Variants in STAG2 observed in about 807,000 individuals in gnomAD.
The protein encoded by STAG2 is cohesin subunit SA-2.
STAG2 carries 14 observed loss-of-function variants against 108.1 expected under a neutral mutation model. The ratio of observed to expected loss-of-function variants is 0.13; its 90% confidence interval spans 0.09 to 0.20. The LOEUF is 0.20. STAG2 is among the 10% of genes least tolerant of loss of function. The pLI, the probability that STAG2 is intolerant of heterozygous loss-of-function variation, is 1.00. For missense variants in STAG2, 440 were observed against 940.9 expected (o/e 0.47, Z 6.96); for synonymous variants, 307 against 302.7 (o/e 1.01, Z -0.15).
intron 4 of STAG2, among the ~76,000 whole-genome samples, chrX:124,028,812 ATATATATATAT>A: frequency 1.1e-5 from 1 of 89,073 alleles, no homozygotes; most frequent in East Asian, 3.3e-4. Context: ...ATATATATAT[ATATATATATAT>A]TTTTTTTTTT....
At chrX:123,972,619 A>G (rs759228649) in intron 1 of STAG2, among the ~76,000 whole-genome samples, 28 of 110,164 alleles carry the variant, frequency 2.5e-4, no homozygotes, top group South Asian at 1.2e-3. Context: ...ATGAGACAAG[A>G]TATAGCTTGA....
chrX:124,007,780 TA>T (rs760679300), intron 1 of STAG2, among the ~76,000 whole-genome samples: 29 of 112,423 alleles, frequency 2.6e-4, no homozygotes, highest in African/African-American at 9.0e-4. Flanking sequence ...TAAACTTAAA[TA>T]TTAAGTAGCA....
chrX:124,072,917 T>TG (rs1413804527), intron 25 of STAG2, among the ~76,000 whole-genome samples: 1 of 98,489 alleles, frequency 1.0e-5, no homozygotes, highest in Non-Finnish European at 2.1e-5. Context: ...TTTTTTTTTT[T>TG]TTTTTTTAGT....
At chrX:124,019,068 T>A (rs2056833448) in intron 1 of STAG2, among the ~76,000 whole-genome samples, 1 of 101,651 alleles carries the variant, frequency 9.8e-6, no homozygotes, top group South Asian at 4.7e-4. Flanking sequence ...TTTTTTTTTT[T>A]TTTTTTATTT....
At position 124,072,206 on chromosome X, in the gene STAG2, T is replaced by C. The variant is rs1000158156; in HGVS notation, c.2533+883T>C. On this transcript the variant is annotated intron_variant, in intron 25 of 34. Coordinates refer to ENST00000371145, the MANE Select transcript of STAG2 (RefSeq NM_001042750.2). ...TTTTTGTAGACATGGGGTCTTGATATGTTGCCCAGGCTGGTCTTGAATTCC... is the reference window on the plus strand; with the variant it reads ...TTTTTGTAGACATGGGGTCTTGATACGTTGCCCAGGCTGGTCTTGAATTCC... 5.4e-5 allele frequency among the ~76,000 whole-genome samples: 6 copies of C among 111,158 alleles called. No homozygotes were observed. In the Admixed American group the frequency reaches 5.8e-4, roughly 11 times the overall value.
rs1569517186 is a variant in STAG2, at chrX:124,068,590, A to T, written c.2292A>T (p.Gln764His). ...TKEDLLRLKK[Q>H]MRVFCQICQH... ...AGGACTTGCTGCGTTTAAAGAAACA[A>T]ATGAGAGTATTTTGTCAGATATGTC... Residue 764 changes from glutamine (Q) to histidine (H), a missense_variant, in exon 24 of 35, where the codon CAA becomes CAT. Gln to His is a conservative substitution (Grantham distance 24, BLOSUM62 0). This residue lies in a region of STAG2 where 337 missense variants were observed against 649.3 expected (regional missense o/e 0.52). Coordinates refer to ENST00000371145, the MANE Select transcript of STAG2 (RefSeq NM_001042750.2). 1.7e-6 allele frequency: 2 copies of T among 1,193,287 alleles called. No homozygotes were observed.
In STAG2 at chrX:124,102,573, C is replaced by A; in HGVS notation, c.*1976C>A. The A allele has an allele frequency of 6.7e-6, 1 of 148,247 alleles. No individual in the cohort carries two copies. The allele number at this position is 148,247 out of a possible 1,213,427, so 12.2% of individuals were successfully genotyped here. On this transcript the variant is annotated 3_prime_UTR_variant, in exon 35 of 35. Transcript: ENST00000371145. ...GTTTGCAAATTTATATCTATTATCA[C>A]ATCTTTTAATGTGTTTGGGGAATAA... is the stretch of plus-strand genomic sequence containing the variant.
At chrX:124,052,418 T>C (rs1284343638) in intron 13 of STAG2, among the ~76,000 whole-genome samples, 1 of 112,398 alleles carries the variant, frequency 8.9e-6, no homozygotes, top group Non-Finnish European at 1.9e-5. Flanking sequence ...TTCGTATAAG[T>C]GGAATCATAC....
At chrX:124,047,698 C>T (rs754811592) in intron 9 of STAG2, among the ~76,000 whole-genome samples, 193 bp downstream of exon 9, 9 of 111,772 alleles carry the variant, frequency 8.1e-5, no homozygotes, top group Non-Finnish European at 1.7e-4. Context: ...TTTCAACCTG[C>T]GTGGACTAGT....
At chrX:123,982,536 G>A (rs1485118029) in intron 1 of STAG2, among the ~76,000 whole-genome samples, 1 of 110,066 alleles carries the variant, frequency 9.1e-6, no homozygotes, top group African/African-American at 3.3e-5. Flanking sequence ...GGATTACAGT[G>A]CCACCACGCC....
Position 124,054,836 on chromosome X carries a change from AGCCTC to A in STAG2, c.1197-1288_1197-1284del, listed in dbSNP as rs1250624775. Among the ~76,000 whole-genome samples the A allele has an allele frequency of 2.7e-5, 3 of 111,464 alleles. No homozygotes were observed. The Admixed American group carries it at 2.9e-4, about 11-fold the overall frequency. On this transcript the variant is annotated intron_variant, in intron 13 of 34. Coordinates refer to ENST00000371145, the MANE Select transcript of STAG2 (RefSeq NM_001042750.2). ...AGGTGGTATGATCATGGCTCACTCC[AGCCTC>A]GCCCTCCCAGGCTCAATCCATCTTC...
chrX:124,072,234 G>A (rs907299814), intron 25 of STAG2, among the ~76,000 whole-genome samples: 2 of 110,933 alleles, frequency 1.8e-5, no homozygotes, highest in African/African-American at 6.6e-5. Context: ...TGAATTCCTG[G>A]TCTCAAGTGA....
chrX:123,997,417 A>C (rs2055788140), intron 1 of STAG2, among the ~76,000 whole-genome samples: 1 of 111,562 alleles, frequency 9.0e-6, no homozygotes, highest in African/African-American at 3.3e-5. Context: ...CAACTTAAAA[A>C]ATTTTCCCAA....
chrX:124,028,270 G>A (rs1320616767), intron 4 of STAG2, among the ~76,000 whole-genome samples: 1 of 110,782 alleles, frequency 9.0e-6, no homozygotes, highest in South Asian at 3.8e-4. Context: ...CTGAAATTGC[G>A]GATAGTACAG....
chrX:124,066,143 A>ATTTT lies in STAG2; in HGVS notation c.2097-8_2097-5dup, dbSNP rs748906058. The ATTTT allele has an allele frequency of 6.2e-4, 365 of 589,637 alleles. 2 individuals are homozygous for ATTTT. Among genetic ancestry groups the ATTTT allele is most frequent in the Non-Finnish European group, 6.8e-4 (298 of 439,963 alleles). 48.6% of individuals were successfully genotyped at this position (589,637 alleles called of 1,213,427 possible). A position where few individuals can be genotyped will look rare whatever the true frequency, so the allele number is the denominator to read the frequency against. On this transcript the variant is annotated intron_variant, in intron 21 of 34. Transcript: ENST00000371145. ...AGGCTTAGCTTTTTAATAAAACTTA[A>ATTTT]TTTTTTTTTTTTTTTTTTTTTTTTT...
At chrX:124,033,879 T>G (rs2057424839) in intron 5 of STAG2, among the ~76,000 whole-genome samples, 1 of 112,316 alleles carries the variant, frequency 8.9e-6, no homozygotes, top group African/African-American at 3.2e-5. Flanking sequence ...ACAGATTCAT[T>G]ATCTGGTGAA....
intron 9 of STAG2, 68 bp downstream of exon 9, chrX:124,047,573 C>A: frequency 1.1e-6 from 1 of 888,040 alleles, no homozygotes; most frequent in Non-Finnish European, 1.6e-6. Context: ...TAGGATATAA[C>A]TTTGCTAGTG....
intron 5 of STAG2, 102 bp downstream of exon 5, chrX:124,031,227 A>G (rs2057321560): frequency 1.2e-6 from 1 of 854,766 alleles, no homozygotes; most frequent in East Asian, 3.7e-5. Context: ...TTAAACATAC[A>G]CTACTTATTA....
At chrX:123,981,575 C>A (rs1481887974) in intron 1 of STAG2, among the ~76,000 whole-genome samples, 3 of 111,544 alleles carry the variant, frequency 2.7e-5, no homozygotes, top group African/African-American at 9.8e-5. Context: ...GTTACTTATA[C>A]CTTTTGGCTA....
Sources: allele counts gnomAD v4.1 joint callset (sites outside exome capture counted in the v4.1 genomes callset), GRCh38; gene constraint gnomAD v4.1.1; regional missense constraint gnomAD v4.1.1; transcripts MANE v1.5; gene names NCBI Gene and HGNC (gene_info 2026-07-23, HGNC 2026-07-21).